ATP2C1: variants seen among roughly 807,000 people sequenced by gnomAD.
ATP2C1 encodes ATPase secretory pathway Ca2+ transporting 1.
In ATP2C1, 31 loss-of-function variants were observed where a neutral mutation model predicts 120.5. The ratio of observed to expected loss-of-function variants is 0.26; its 90% CI spans 0.19 to 0.35. The LOEUF (loss-of-function observed/expected upper bound fraction) is 0.35, where lower values mean the gene tolerates loss of function less well. ATP2C1 is among the 10% of genes least tolerant of loss of function. The pLI is 1.00. For missense variants in ATP2C1, 731 were observed against 1,107.5 expected (o/e 0.66, Z 4.83); for synonymous variants, 351 against 358.7 (o/e 0.98, Z 0.24).
At chr3:130,857,726 T>C (rs1576520727) in intron 1 of ATP2C1, among the ~76,000 whole-genome samples, 1 of 152,304 alleles carries the variant, frequency 6.6e-6, no homozygotes, top group African/African-American at 2.4e-5. Flanking sequence ...CCCTGCTGCA[T>C]GTTGACCTTG....
At chr3:130,979,659 G>A (rs1008906898) in intron 19 of ATP2C1, among the ~76,000 whole-genome samples, 13 of 68,820 alleles carry the variant, frequency 1.9e-4, no homozygotes, top group African/African-American at 3.4e-4. Flanking sequence ...TTCACAGAAG[G>A]GTAATTATTT....
chr3:130,924,108 A>G (rs892094043), intron 2 of ATP2C1, among the ~76,000 whole-genome samples: 3 of 150,480 alleles, frequency 2.0e-5, no homozygotes, highest in African/African-American at 7.3e-5. Flanking sequence ...TGTTTTCATC[A>G]TGCTAGTTGT....
At chr3:130,876,254 T>C (rs80256820) in intron 1 of ATP2C1, among the ~76,000 whole-genome samples, 2,112 of 152,262 alleles carry the variant, frequency 0.014, 29 homozygotes, top group East Asian at 0.076. Context: ...TTTTAGGGCT[T>C]TGTGTCTTAC....
At chr3:130,874,395 T>G (rs1157670742) in intron 1 of ATP2C1, among the ~76,000 whole-genome samples, 1 of 152,226 alleles carries the variant, frequency 6.6e-6, no homozygotes, top group Non-Finnish European at 1.5e-5. Flanking sequence ...TTCTGTAACT[T>G]CCTATTGATT....
chr3:130,949,707 A>G (rs2060289625), intron 8 of ATP2C1, among the ~76,000 whole-genome samples: 1 of 152,142 alleles, frequency 6.6e-6, no homozygotes, highest in South Asian at 2.1e-4. Context: ...AATTAATTTC[A>G]TATATCGTTT....
chr3:130,934,843 C>A (rs975931859), intron 5 of ATP2C1, 132 bp downstream of exon 5: 6 of 690,842 alleles, frequency 8.7e-6, no homozygotes, highest in South Asian at 8.2e-5. Flanking sequence ...TTATTTTATT[C>A]TTTTTGTTGC....
chr3:130,991,719 G>A (rs1289207435), intron 20 of ATP2C1, among the ~76,000 whole-genome samples: 1 of 152,194 alleles, frequency 6.6e-6, no homozygotes, highest in Non-Finnish European at 1.5e-5. Context: ...AATTTCTGGA[G>A]TAATGGTCTT....
At chr3:130,883,945 C>CTTTTTTTTT (rs35365168) in intron 1 of ATP2C1, among the ~76,000 whole-genome samples, 12 of 122,432 alleles carry the variant, frequency 9.8e-5, no homozygotes, top group East Asian at 2.3e-4. Context: ...TTCTTTTCTT[C>CTTTTTTTTT]TTTTTTTTTT....
chr3:130,863,740 C>T (rs149611328), intron 1 of ATP2C1, among the ~76,000 whole-genome samples: 1,653 of 152,252 alleles, frequency 0.011, 51 homozygotes, highest in East Asian at 0.11. Context: ...GAATAAGTCT[C>T]ATGAGATCTG....
chr3:130,962,715 T>TAA (rs71133621), intron 12 of ATP2C1, among the ~76,000 whole-genome samples: 18 of 114,214 alleles, frequency 1.6e-4, no homozygotes, highest in African/African-American at 5.0e-4. Flanking sequence ...ATGGAAGCAT[T>TAA]AAAAAAAAAA....
intron 10 of ATP2C1, 21 bp from the exon 11 acceptor site, chr3:130,956,083 A>ACT: frequency 6.5e-7 from 1 of 1,542,900 alleles, no homozygotes; most frequent in Non-Finnish European, 9.0e-7. Flanking sequence ...TTGTGGTGAC[A>ACT]CTCTTCTTCA....
At chr3:130,865,310 CT>C (rs1338455133) in intron 1 of ATP2C1, among the ~76,000 whole-genome samples, 23 of 152,256 alleles carry the variant, frequency 1.5e-4, no homozygotes, top group Non-Finnish European at 2.9e-5. Context: ...TCCATTGTAT[CT>C]AGGAAGTAAC....
At chr3:130,870,070 A>G (rs960174274) in intron 1 of ATP2C1, among the ~76,000 whole-genome samples, 1 of 152,214 alleles carries the variant, frequency 6.6e-6, no homozygotes, top group African/African-American at 2.4e-5. Context: ...TGCTAAATCT[A>G]CTTTGCTTGT....
chr3:130,911,268 T>C (rs1361743798), intron 2 of ATP2C1, among the ~76,000 whole-genome samples: 3 of 147,538 alleles, frequency 2.0e-5, no homozygotes, highest in African/African-American at 7.6e-5. Flanking sequence ...GATGGTAGTT[T>C]GTATTTCTGT....
chr3:130,891,943 C>T (rs892702263), upstream of ATP2C1, among the ~76,000 whole-genome samples: 2 of 152,228 alleles, frequency 1.3e-5, no homozygotes, highest in South Asian at 4.1e-4. Context: ...TATAAAATGA[C>T]TAATTGGTCA....
Position 131,001,585 on chromosome 3 carries a change from A to G in ATP2C1, c.*235A>G, listed in dbSNP as rs1321819804. 3 of 1,218,832 alleles carry G rather than the reference A, an allele frequency of 2.5e-6. No individual in the cohort carries two copies. The highest frequency in any genetic ancestry group is 8.7e-5 in the East Asian group (2 of 22,910). The allele number at this position is 1,218,832 out of a possible 1,614,324, so 75.5% of individuals were successfully genotyped here. A position where few individuals can be genotyped will look rare whatever the true frequency, so the allele number is the denominator to read the frequency against. ...GGCTTTTGTGATTGAGTGAAACTTT[A>G]TAAAGCATATGGTCAGTTATTTAAT... is the stretch of plus-strand genomic sequence containing the variant. On this transcript the variant is annotated 3_prime_UTR_variant, in exon 28 of 28. Transcript: ENST00000510168.
At chr3:130,944,455 A>T (rs1483980750) in intron 8 of ATP2C1, among the ~76,000 whole-genome samples, 1 of 152,210 alleles carries the variant, frequency 6.6e-6, no homozygotes, top group Non-Finnish European at 1.5e-5. Flanking sequence ...TGCTAGCTTG[A>T]GATGGCTATC....
intron 20 of ATP2C1, among the ~76,000 whole-genome samples, chr3:130,981,071 A>C (rs571464886): frequency 2.3e-4 from 35 of 152,098 alleles, no homozygotes; most frequent in Non-Finnish European, 4.9e-4. Flanking sequence ...ACATATAGTA[A>C]AATTCGCCCA....
chr3:130,884,204 G>T (rs866405079), intron 1 of ATP2C1, among the ~76,000 whole-genome samples: 3 of 151,984 alleles, frequency 2.0e-5, no homozygotes, highest in Non-Finnish European at 2.9e-5. Context: ...GCCTCCCAAA[G>T]TGCTGAGATT....
Sources: gnomAD v4.1 joint callset for allele counts (sites outside exome capture counted in the v4.1 genomes callset) on GRCh38, gnomAD v4.1.1 for gene constraint, MANE v1.5 for transcripts, NCBI Gene and HGNC (gene_info 2026-07-23, HGNC 2026-07-21) for gene names.